Variants in EYS observed in about 807,000 individuals in gnomAD.
The protein encoded by EYS is protein eyes shut homolog.
Under a neutral mutation model 282.1 loss-of-function variants are expected in EYS, and 250 were observed. That is an observed-to-expected ratio of 0.89 (90% CI 0.80 to 0.98). EYS has a LOEUF of 0.98. Ranked by LOEUF, EYS falls within the 50% of genes least tolerant of loss-of-function variation. The pLI is 0.00. For missense variants in EYS, 4,016 were observed against 3,709.0 expected, an observed-to-expected ratio of 1.08 and a Z score of -2.15; for synonymous variants, 1,355 against 1,282.9, an observed-to-expected ratio of 1.06 and a Z score of -1.20.
At chr6:65,261,808 A>G (rs1251613908) in intron 12 of EYS, among the ~76,000 whole-genome samples, 2 of 152,008 alleles carry the variant, frequency 1.3e-5, no homozygotes, top group Non-Finnish European at 2.9e-5. Context: ...TTATTTGCTC[A>G]TTAAATAGAG....
intron 28 of EYS, among the ~76,000 whole-genome samples, chr6:64,421,544 T>A (rs976526175): frequency 6.6e-6 from 1 of 152,154 alleles, no homozygotes; most frequent in Non-Finnish European, 1.5e-5. Flanking sequence ...GAATTTTTTT[T>A]AATTAAATAC....
intron 19 of EYS, among the ~76,000 whole-genome samples, chr6:64,842,770 A>C (rs1765600766): frequency 6.6e-6 from 1 of 152,128 alleles, no homozygotes. Context: ...CTGATGGAAG[A>C]AAATTCTAAG....
chr6:64,657,160 G>A (rs952559408), intron 22 of EYS, among the ~76,000 whole-genome samples: 3 of 152,080 alleles, frequency 2.0e-5, no homozygotes, highest in Non-Finnish European at 4.4e-5. Context: ...TGTTTTATCA[G>A]AGACTAGGAT....
chr6:64,173,809 A>C (rs139654830), intron 31 of EYS, among the ~76,000 whole-genome samples: 3 of 152,288 alleles, frequency 2.0e-5, no homozygotes, highest in African/African-American at 4.8e-5. Flanking sequence ...TTTTTGTCTC[A>C]GTGTATCTTA....
intron 2 of EYS, among the ~76,000 whole-genome samples, chr6:65,620,974 T>A (rs1395099216): frequency 6.6e-6 from 1 of 152,294 alleles, no homozygotes; most frequent in African/African-American, 2.4e-5. Context: ...TACTTCCAAC[T>A]ATGTGGTCAA....
At chr6:64,647,153 A>C (rs1768383495) in intron 22 of EYS, among the ~76,000 whole-genome samples, 1 of 152,216 alleles carries the variant, frequency 6.6e-6, no homozygotes, top group African/African-American at 2.4e-5. Context: ...AACATCTCAT[A>C]TAAAAATGTA....
intron 29 of EYS, among the ~76,000 whole-genome samples, chr6:64,373,898 G>C (rs1271200008): frequency 2.6e-5 from 4 of 151,990 alleles, no homozygotes; most frequent in Non-Finnish European, 1.5e-5. Context: ...CTCTCCAGCT[G>C]AGTTTTACAG....
intron 36 of EYS, among the ~76,000 whole-genome samples, chr6:63,835,896 T>C (rs915812803): frequency 2.6e-5 from 4 of 151,992 alleles, no homozygotes; most frequent in African/African-American, 9.7e-5. Context: ...GCCAAAAATG[T>C]GGGAAAAGAA....
At chr6:64,671,458 T>C (rs540520785) in intron 22 of EYS, among the ~76,000 whole-genome samples, 2 of 152,182 alleles carry the variant, frequency 1.3e-5, no homozygotes, top group Non-Finnish European at 2.9e-5. Flanking sequence ...ACTCCAGAAC[T>C]GTGAGCAACA....
intron 27 of EYS, among the ~76,000 whole-genome samples, chr6:64,437,581 T>C (rs934908734): frequency 2.0e-5 from 3 of 151,670 alleles, no homozygotes; most frequent in African/African-American, 7.2e-5. Flanking sequence ...TCTACTCACT[T>C]GTAAAATGGG....
intron 24 of EYS, among the ~76,000 whole-genome samples, chr6:64,610,943 A>G (rs761401959): frequency 6.6e-6 from 1 of 152,114 alleles, no homozygotes; most frequent in Non-Finnish European, 1.5e-5. Context: ...TGTGTTGCTT[A>G]GAAATGCTCA....
intron 30 of EYS, among the ~76,000 whole-genome samples, chr6:64,302,658 C>T (rs539767010): frequency 7.2e-5 from 11 of 152,186 alleles, no homozygotes; most frequent in Admixed American, 2.0e-4. Context: ...ATAGAACGTG[C>T]CCACTCCATC....
intron 12 of EYS, among the ~76,000 whole-genome samples, chr6:65,158,077 T>C (rs903900848): frequency 2.1e-4 from 32 of 150,734 alleles, no homozygotes; most frequent in African/African-American, 6.8e-4. Flanking sequence ...ATAGGGGTGG[T>C]AGATGATTTT....
intron 41 of EYS, among the ~76,000 whole-genome samples, chr6:63,737,222 G>T (rs576301881): frequency 1.3e-5 from 2 of 152,086 alleles, no homozygotes; most frequent in Admixed American, 6.5e-5. Context: ...TTGGCTGTGG[G>T]TTTGTCATAG....
intron 2 of EYS, among the ~76,000 whole-genome samples, chr6:65,614,110 T>C (rs1379630870): frequency 6.6e-6 from 1 of 152,034 alleles, no homozygotes; most frequent in African/African-American, 2.4e-5. Context: ...TATTTCATTT[T>C]CCATTATCTT....
intron 22 of EYS, among the ~76,000 whole-genome samples, chr6:64,699,654 A>G (rs1239793609): frequency 6.6e-6 from 1 of 152,102 alleles, no homozygotes; most frequent in Non-Finnish European, 1.5e-5. Context: ...AGGAAGAAAT[A>G]GAAATCCTGA....
chr6:64,547,925 G>A (rs1215874634), intron 26 of EYS, among the ~76,000 whole-genome samples: 4 of 152,242 alleles, frequency 2.6e-5, no homozygotes, highest in African/African-American at 4.8e-5. Context: ...TGGCCCAGGT[G>A]CTAAGCCCCT....
intron 26 of EYS, among the ~76,000 whole-genome samples, chr6:64,547,650 C>T (rs1421595657): frequency 2.0e-5 from 3 of 152,238 alleles, no homozygotes; most frequent in Non-Finnish European, 4.4e-5. Flanking sequence ...CTCAGGAGCC[C>T]AGCTGGCTTC....
intron 12 of EYS, among the ~76,000 whole-genome samples, chr6:65,133,082 A>G (rs1775926628): frequency 1.3e-5 from 2 of 152,032 alleles, no homozygotes; most frequent in African/African-American, 4.8e-5. Context: ...ATGGGAAAAC[A>G]TTTCATTCTT....
Sources: allele counts gnomAD v4.1 joint callset (sites outside exome capture counted in the v4.1 genomes callset), GRCh38; gene constraint gnomAD v4.1.1; transcripts MANE v1.5; gene names NCBI Gene and HGNC (gene_info 2026-07-23, HGNC 2026-07-21).